GLIS1: variants seen among roughly 807,000 people sequenced by gnomAD.
GLIS1 encodes the protein GLIS family zinc finger 1, also known as zinc finger protein GLIS1.
GLIS1 carries 24 observed loss-of-function variants against 63.8 expected under a neutral mutation model. The observed-to-expected ratio is 0.38, with a 90% CI of 0.27 to 0.53. The LOEUF (loss-of-function observed/expected upper bound fraction) is 0.53, where lower values mean the gene tolerates loss of function less well. Among genes scored for constraint, GLIS1 ranks in the 20% least tolerant of loss-of-function variants. GLIS1 has a pLI of 0.85. For missense variants in GLIS1, 1,036 were observed against 1,074.1 expected, an observed-to-expected ratio of 0.96 and a Z score of 0.50; for synonymous variants, 450 against 482.5, an observed-to-expected ratio of 0.93 and a Z score of 0.88.
chr1:53,650,884 T>C (rs1645899832), intron 2 of GLIS1, among the ~76,000 whole-genome samples: 1 of 152,202 alleles, frequency 6.6e-6, no homozygotes, highest in African/African-American at 2.4e-5. Context: ...GTGCAGCCTC[T>C]AATAAAACCT....
chr1:53,625,211 G>A (rs1645582367), intron 2 of GLIS1, among the ~76,000 whole-genome samples: 1 of 152,218 alleles, frequency 6.6e-6, no homozygotes, highest in East Asian at 1.9e-4. Flanking sequence ...GATGACTCTT[G>A]AGTATGAGTA....
intron 2 of GLIS1, among the ~76,000 whole-genome samples, chr1:53,719,215 C>T (rs1408065635): frequency 1.3e-5 from 2 of 152,236 alleles, no homozygotes; most frequent in African/African-American, 2.4e-5. Context: ...CACAGTCTTT[C>T]GTGTTCCGTA....
intron 4 of GLIS1, among the ~76,000 whole-genome samples, chr1:53,592,051 T>C (rs1354518437): frequency 2.0e-5 from 3 of 152,184 alleles, no homozygotes; most frequent in Admixed American, 6.5e-5. Context: ...GCAAGGGCCA[T>C]GGGAGGTCCA....
chr1:53,588,208 G>A (rs762945674), intron 4 of GLIS1, among the ~76,000 whole-genome samples: 1 of 152,094 alleles, frequency 6.6e-6, no homozygotes, highest in Non-Finnish European at 1.5e-5. Context: ...TCCCCTCCCT[G>A]TCTCCATCAT....
intron 2 of GLIS1, among the ~76,000 whole-genome samples, chr1:53,704,860 A>G (rs1646561319): frequency 2.6e-5 from 4 of 152,264 alleles, no homozygotes; most frequent in Admixed American, 2.6e-4. Context: ...ATGAGGCATG[A>G]TGGTTGTTAG....
chr1:53,737,410 T>C (rs1190809997), intron 2 of GLIS1, among the ~76,000 whole-genome samples: 1 of 152,250 alleles, frequency 6.6e-6, no homozygotes, highest in Non-Finnish European at 1.5e-5. Context: ...GCTAAAGGCC[T>C]CTGGGTTTTG....
At chr1:53,692,561 A>C (rs1646417606) in intron 2 of GLIS1, among the ~76,000 whole-genome samples, 1 of 152,178 alleles carries the variant, frequency 6.6e-6, no homozygotes, top group Non-Finnish European at 1.5e-5. Context: ...TCCCTGATTT[A>C]GAGTTTGGGG....
intron 4 of GLIS1, among the ~76,000 whole-genome samples, chr1:53,530,292 G>A (rs1405480823): frequency 1.3e-5 from 2 of 152,352 alleles, no homozygotes; most frequent in Admixed American, 6.5e-5. Flanking sequence ...CCGAATCAGG[G>A]CAGGGGTGTG....
intron 2 of GLIS1, among the ~76,000 whole-genome samples, chr1:53,664,052 C>T (rs1015099882): frequency 1.3e-5 from 2 of 152,178 alleles, no homozygotes; most frequent in Non-Finnish European, 2.9e-5. Flanking sequence ...ATGAGGGCAA[C>T]CCAGAACCCA....
chr1:53,614,469 G>T (rs980928962), intron 2 of GLIS1, among the ~76,000 whole-genome samples: 1 of 152,106 alleles, frequency 6.6e-6, no homozygotes, highest in Non-Finnish European at 1.5e-5. Flanking sequence ...AGCAAGCAAG[G>T]TGACGGAGGC....
chr1:53,574,960 C>T lies in GLIS1; in HGVS notation c.1320+19148G>A, dbSNP rs1279025643. On this transcript the variant is annotated intron_variant, in intron 4 of 10. Transcript: ENST00000628545. The surrounding 1 kb of genome is among the most constrained non-coding windows in gnomAD (Gnocchi z 4.2). ...GCAGGGTGGGCAGCCCCGGTCTGAA[C>T]CTCACATCTCATCTGGGCCCTCACT... Among the ~76,000 whole-genome samples the T allele has an allele frequency of 6.6e-6, 1 of 152,130 alleles. No homozygotes were observed. Among genetic ancestry groups the T allele is most frequent in the Non-Finnish European group, 1.5e-5 (1 of 68,042 alleles).
intron 1 of GLIS1, among the ~76,000 whole-genome samples, chr1:53,738,887 CCACA>C (rs1235140922): frequency 1.3e-5 from 2 of 152,198 alleles, no homozygotes; most frequent in Non-Finnish European, 2.9e-5. Context: ...CAGCGCACAA[CCACA>C]CAGTCCCACG....
In GLIS1 at chr1:53,576,266, C is replaced by T. The variant is rs375831664; in HGVS notation, c.1320+17842G>A. On this transcript the variant is annotated intron_variant, in intron 4 of 10. Coordinates refer to ENST00000628545, the MANE Select transcript of GLIS1 (RefSeq NM_001367484.1). ...TCTCTCCTCCATCCTCCTCAATGCCCCCTCCCAGATCCACACATCCTACTG... is the reference window on the plus strand; with the variant it reads ...TCTCTCCTCCATCCTCCTCAATGCCTCCTCCCAGATCCACACATCCTACTG... 9.3e-4 allele frequency among the ~76,000 whole-genome samples: 139 copies of T among 149,906 alleles called. 2 individuals are homozygous for T. In the South Asian group the frequency reaches 0.029, roughly 32 times the overall value.
At chr1:53,659,178 C>T (rs1645999989) in intron 2 of GLIS1, among the ~76,000 whole-genome samples, 1 of 152,130 alleles carries the variant, frequency 6.6e-6, no homozygotes, top group Non-Finnish European at 1.5e-5. Flanking sequence ...AGCAAGGAGG[C>T]CAGGAAGGGA....
chr1:53,517,996 C>T (rs1319344146), intron 7 of GLIS1, among the ~76,000 whole-genome samples: 1 of 152,256 alleles, frequency 6.6e-6, no homozygotes, highest in African/African-American at 2.4e-5. Flanking sequence ...CTCCCCAAAA[C>T]GCACCACTTC....
intron 4 of GLIS1, among the ~76,000 whole-genome samples, chr1:53,550,740 C>T (rs1479301167): frequency 6.6e-6 from 1 of 152,120 alleles, no homozygotes; most frequent in Non-Finnish European, 1.5e-5. Flanking sequence ...TAACAGTCCT[C>T]TCAACAACTC....
chr1:53,573,397 A>G (rs898764216), intron 4 of GLIS1, among the ~76,000 whole-genome samples: 1 of 152,114 alleles, frequency 6.6e-6, no homozygotes, highest in African/African-American at 2.4e-5. Flanking sequence ...TCCACTCTCC[A>G]GGGCCCAATC....
intron 2 of GLIS1, 96 bp downstream of exon 2, chr1:53,737,709 GA>G: frequency 8.7e-7 from 1 of 1,148,856 alleles, no homozygotes; most frequent in Non-Finnish European, 1.1e-6. Context: ...GAACTCCGAA[GA>G]AAGTTCCACC....
chr1:53,515,816 TAAAAAAA>T (rs58953406), intron 7 of GLIS1, among the ~76,000 whole-genome samples: 1 of 69,134 alleles, frequency 1.4e-5, no homozygotes, highest in Non-Finnish European at 2.8e-5. Flanking sequence ...CTATTTTATC[TAAAAAAA>T]AAAAAAAAAA....
Sources: gnomAD v4.1 joint callset for allele counts (sites outside exome capture counted in the v4.1 genomes callset) on GRCh38, gnomAD v4.1.1 for gene constraint, Gnocchi (gnomAD v3.1) non-coding constraint, MANE v1.5 for transcripts, NCBI Gene and HGNC (gene_info 2026-07-23, HGNC 2026-07-21) for gene names.